Variants in RNF157 observed in about 807,000 individuals in gnomAD.
RNF157 encodes ring finger protein 157.
Under a neutral mutation model 88.3 loss-of-function variants are expected in RNF157, and 55 were observed. The ratio of observed to expected loss-of-function variants is 0.62; its 90% confidence interval spans 0.50 to 0.78. The LOEUF is 0.78. Ranked by LOEUF, RNF157 falls within the 30% of genes least tolerant of loss-of-function variation. The probability of loss-of-function intolerance (pLI) is 0.00; values close to 1 mark genes in which losing one functional copy is unlikely to be tolerated. For missense variants in RNF157, 788 were observed against 860.8 expected (o/e 0.92, Z 1.06); for synonymous variants, 334 against 341.2 (o/e 0.98, Z 0.23).
intron 1 of RNF157, chr17:76,225,661 T>C: frequency 8.7e-7 from 1 of 1,150,512 alleles, no homozygotes; most frequent in Non-Finnish European, 1.2e-6. Context: ...ATAATATGTA[T>C]TTTTTTCCCT....
intron 1 of RNF157, among the ~76,000 whole-genome samples, chr17:76,214,090 T>C (rs2069848166): frequency 2.0e-5 from 3 of 152,110 alleles, no homozygotes; most frequent in Admixed American, 2.0e-4. Context: ...TCTGGTTGGT[T>C]AGTTGGAAGC....
chr17:76,155,528 G>T, intron 15 of RNF157, 34 bp downstream of exon 15: 6 of 1,602,682 alleles, frequency 3.7e-6, no homozygotes, highest in Non-Finnish European at 5.1e-6. Flanking sequence ...ACAAAGAACA[G>T]AGAAGCCAGG....
At chr17:76,148,593 C>G (rs1402656555) in intron 18 of RNF157, among the ~76,000 whole-genome samples, 1 of 122,138 alleles carries the variant, frequency 8.2e-6, no homozygotes, top group African/African-American at 3.2e-5. Flanking sequence ...AAGATGGAGT[C>G]TCACTCCATC....
At position 76,167,067 on chromosome 17, in the gene RNF157, C is replaced by G. The variant is rs1194818865; in HGVS notation, c.503G>C (p.Cys168Ser). 1.2e-6 allele frequency: 2 copies of G among 1,613,176 alleles called. No individual in the cohort carries two copies. The highest frequency in any genetic ancestry group is 1.7e-6 in the Non-Finnish European group (2 of 1,179,926). ...SETVQYKRGVCQQFCLPSHTV... is the reference protein window; with the variant it reads ...SETVQYKRGVSQQFCLPSHTV... ...GTGGGAGGGCAGGCAGAACTGCTGA[C>G]ACACTCCTCGCTTGTACTGCACAGT... Residue 168 changes from cysteine (C) to serine (S), a missense_variant, in exon 5 of 19, where the codon TGT becomes TCT. By Grantham distance (112) the Cys-to-Ser change is moderately radical. Transcript: ENST00000269391.
chr17:76,185,571 G>C (rs1598412623), intron 2 of RNF157, among the ~76,000 whole-genome samples: 1 of 150,702 alleles, frequency 6.6e-6, no homozygotes, highest in East Asian at 1.9e-4. Context: ...CCGGGTTCAC[G>C]CCATTCTCCT....
intron 1 of RNF157, chr17:76,225,647 C>T: frequency 9.5e-7 from 1 of 1,049,702 alleles, no homozygotes; most frequent in South Asian, 2.1e-5. Context: ...TTTTTAGTGG[C>T]CAAATAATAT....
chr17:76,200,998 C>A (rs2069567354), intron 2 of RNF157, among the ~76,000 whole-genome samples: 1 of 152,116 alleles, frequency 6.6e-6, no homozygotes, highest in African/African-American at 2.4e-5. Flanking sequence ...CAGACCCTAC[C>A]TTTCCTGTAG....
chr17:76,184,279 AG>A (rs1417499732), intron 2 of RNF157, among the ~76,000 whole-genome samples: 1 of 152,160 alleles, frequency 6.6e-6, no homozygotes, highest in Non-Finnish European at 1.5e-5. Flanking sequence ...TAATTACTAT[AG>A]AAACCAACAC....
chr17:76,236,673 A>ACC (rs2070287639), intron 1 of RNF157, among the ~76,000 whole-genome samples: 1 of 152,232 alleles, frequency 6.6e-6, no homozygotes, highest in Non-Finnish European at 1.5e-5. Context: ...AACATTATTC[A>ACC]TTGTTGCACT....
intron 2 of RNF157, among the ~76,000 whole-genome samples, chr17:76,185,509 G>A (rs942831236): frequency 2.1e-5 from 3 of 142,584 alleles, no homozygotes; most frequent in South Asian, 2.2e-4. Context: ...TCGCTCTGTC[G>A]CCCAGGCTGG....
In RNF157 at chr17:76,160,462, C is replaced by T. The variant is rs1314958455; in HGVS notation, c.1066-889G>A. On this transcript the variant is annotated intron_variant, in intron 11 of 18. Transcript: ENST00000269391. The surrounding 1 kb of genome is among the most constrained non-coding windows in gnomAD (Gnocchi z 4.3). ...CTGCTTCCCCGAAAGCAGGGAGAAT[C>T]GCTAAAAAGAAAAGTTTTTAAAATT... Among the ~76,000 whole-genome samples, 6 of 151,786 alleles carry T rather than the reference C, an allele frequency of 4.0e-5. No homozygotes were observed. Among genetic ancestry groups the T allele is most frequent in the African/African-American group, 1.5e-4 (6 of 41,316 alleles).
Position 76,155,668 on chromosome 17 carries a change from G to A in RNF157, c.1592C>T (p.Thr531Ile). The A allele has an allele frequency of 6.2e-7, 1 of 1,613,514 alleles. No homozygotes were observed. The highest frequency in any genetic ancestry group is 8.5e-7 in the Non-Finnish European group (1 of 1,179,758). The change falls in exon 15 of 19, where the codon ACC (threonine) becomes ATC (isoleucine). Residue 531 changes from threonine (T) to isoleucine (I), a missense_variant. Physicochemically the swap from Thr to Ile is moderately conservative, Grantham distance 89. Transcript: ENST00000269391. ...GTAGGAGCCAGACATGGAGGAGACG[G>A]TGTCAGTGCTGATCTGGGAGGATGC... Reference protein sequence around the residue: ...SMASSQISTDTVSSMSGSYIA... With the variant: ...SMASSQISTDIVSSMSGSYIA...
chr17:76,182,780 TATATATATGAGAG>T (rs1386600918), intron 2 of RNF157, among the ~76,000 whole-genome samples: 13 of 140,046 alleles, frequency 9.3e-5, no homozygotes, highest in Non-Finnish European at 1.4e-4. Flanking sequence ...TATATATATA[TATATATATGAGAG>T]ATATATATAT....
Position 76,156,283 on chromosome 17 carries a change from C to G in RNF157, c.1452G>C (p.Leu484Phe). 1 of 1,614,102 alleles carries G rather than the reference C, an allele frequency of 6.2e-7. No homozygotes were observed. The highest frequency in any genetic ancestry group is 8.5e-7 in the Non-Finnish European group (1 of 1,180,010). Residue 484 changes from leucine to phenylalanine, a missense_variant, in exon 14 of 19, where the codon TTG (leucine) becomes TTC (phenylalanine). Physicochemically the swap from Leu to Phe is conservative, Grantham distance 22. Transcript: ENST00000269391. ...ACTGGTCAATAGCTCCAGATGACGA[C>G]AAGGTGAGATTCTCACTTTCTGGAG... is the stretch of plus-strand genomic sequence containing the variant. ...GVTPESENLT[L>F]SSSGAIDQSS...
chr17:76,221,987 A>G lies in RNF157; in HGVS notation c.89-9505T>C, dbSNP rs112856086. ...AGATAGGTAAATCCACAGAGAGAGT[A>G]GACTGGTGATTGCCAGGGGATGGGG... On this transcript the variant is annotated intron_variant, in intron 1 of 18. Transcript: ENST00000269391. Among the ~76,000 whole-genome samples, 960 of 152,318 alleles carry G rather than the reference A, an allele frequency of 6.3e-3. 8 individuals carry two copies. The highest frequency in any genetic ancestry group is 0.021 in the African/African-American group (887 of 41,572).
intron 1 of RNF157, among the ~76,000 whole-genome samples, chr17:76,213,223 A>G (rs2069831522): frequency 6.6e-6 from 1 of 152,168 alleles, no homozygotes; most frequent in African/African-American, 2.4e-5. Context: ...GTGATATTGT[A>G]AAATATATGT....
intron 1 of RNF157, among the ~76,000 whole-genome samples, chr17:76,237,264 C>T (rs991267146): frequency 3.3e-5 from 5 of 152,216 alleles, no homozygotes; most frequent in African/African-American, 1.2e-4. Flanking sequence ...AAAGCAATTT[C>T]AGCTGGACAC....
chr17:76,233,601 A>C (rs1183648683), intron 1 of RNF157, among the ~76,000 whole-genome samples: 2 of 152,178 alleles, frequency 1.3e-5, no homozygotes, highest in Non-Finnish European at 2.9e-5. Flanking sequence ...GCAGTGGCAC[A>C]ATCATAGCTC....
chr17:76,161,721 C>G lies in RNF157; in HGVS notation c.953-74G>C, dbSNP rs1388269371. On this transcript the variant is annotated intron_variant, in intron 10 of 18. Transcript: ENST00000269391. The surrounding 1 kb of genome is among the most constrained non-coding windows in gnomAD (Gnocchi z 4.6). ...AATGAACAAGAGCCCAGACAGAAAC[C>G]ATGATCCCTCCCAGCGCGCATCCGT... is the stretch of plus-strand genomic sequence containing the variant. 3 of 1,531,074 alleles carry G rather than the reference C, an allele frequency of 2.0e-6. No homozygotes were observed. The highest frequency in any genetic ancestry group is 2.7e-6 in the Non-Finnish European group (3 of 1,115,504). The allele number at this position is 1,531,074 out of a possible 1,614,324, so 94.8% of individuals were successfully genotyped here.
Sources: gnomAD v4.1 joint callset for allele counts (sites outside exome capture counted in the v4.1 genomes callset) on GRCh38, gnomAD v4.1.1 for gene constraint, Gnocchi (gnomAD v3.1) non-coding constraint, MANE v1.5 for transcripts, NCBI Gene and HGNC (gene_info 2026-07-23, HGNC 2026-07-21) for gene names.